MVB12A: variants seen among roughly 807,000 people sequenced by gnomAD.
MVB12A encodes CIN85/CD2AP family binding protein.
MVB12A carries 30 observed loss-of-function variants against 34.3 expected under a neutral mutation model. That is an observed-to-expected ratio of 0.88 (90% CI 0.65 to 1.19). MVB12A has a LOEUF of 1.19. Among genes scored for constraint, MVB12A ranks in the 50% most tolerant of loss-of-function variants. MVB12A has a pLI of 0.00. For synonymous variants in MVB12A, 158 were observed against 158.9 expected (o/e 0.99, Z 0.04); for missense variants, 355 against 369.2 (o/e 0.96, Z 0.31).
chr19:17,417,891 C>A, upstream of MVB12A: 1 of 278,702 alleles, frequency 3.6e-6, no homozygotes, highest in South Asian at 3.3e-5. Flanking sequence ...GGTTTTTCTT[C>A]TTCTTCTTCC....
chr19:17,422,306 C>T (rs1336064786), intron 3 of MVB12A, 26 bp from the exon 4 acceptor site: 1 of 1,598,812 alleles, frequency 6.3e-7, no homozygotes, highest in South Asian at 1.1e-5. Flanking sequence ...GCTTCCCTCT[C>T]TCACTCCCCT....
chr19:17,409,797 G>T (rs991418880), intron 2 of MVB12A, among the ~76,000 whole-genome samples: 2 of 151,158 alleles, frequency 1.3e-5, no homozygotes, highest in African/African-American at 2.4e-5. Flanking sequence ...TGTCTCTCAG[G>T]CTGGGGTGCA....
rs761237198 is a variant in MVB12A, at chr19:17,424,021, C to T, written c.656C>T (p.Pro219Leu). 4 of 1,614,026 alleles carry T rather than the reference C, an allele frequency of 2.5e-6. No homozygotes were observed. Among genetic ancestry groups the T allele is most frequent in the Admixed American group, 3.3e-5 (2 of 59,984 alleles). ...TGTTTTTCAGCCATGGATGGGGTTC[C>T]CTTCACACTCCACCCACGATTTGAG... The part of the protein sequence containing the change: ...LYGISAMDGV[P>L]FTLHPRFEGK... Residue 219 changes from proline (P) to leucine (L), a missense_variant, in exon 7 of 9, where the codon CCC becomes CTC. Pro to Leu is a moderately conservative substitution (Grantham distance 98). Coordinates refer to ENST00000317040, the MANE Select transcript of MVB12A (RefSeq NM_138401.4).
chr19:17,424,550 C>G, intron 7 of MVB12A, 71 bp from the exon 8 acceptor site: 1 of 1,497,302 alleles, frequency 6.7e-7, no homozygotes, highest in Admixed American at 1.9e-5. Context: ...AGGGCAGGAC[C>G]CCTTGAAGAC....
chr19:17,422,051 G>A (rs899538327), intron 3 of MVB12A: 4 of 283,470 alleles, frequency 1.4e-5, no homozygotes, highest in Non-Finnish European at 2.6e-5. Flanking sequence ...TGAGGGCCAC[G>A]ATGGGCACCC....
At chr19:17,409,733 G>A (rs962978708) in intron 2 of MVB12A, among the ~76,000 whole-genome samples, 1 of 151,812 alleles carries the variant, frequency 6.6e-6, no homozygotes, top group Admixed American at 6.6e-5. Flanking sequence ...TTACAGGCTT[G>A]AGCCACCGCA....
Position 17,420,571 on chromosome 19 carries a change from A to G in MVB12A, c.223A>G (p.Ile75Val). The G allele has an allele frequency of 1.2e-6, 2 of 1,613,916 alleles. No homozygotes were observed. The highest frequency in any genetic ancestry group is 2.2e-5 in the South Asian group (2 of 91,072). ...PQENVVADIQ[I>V]VVDKSPLPLG... ...GGAGAACGTGGTGGCCGATATCCAG[A>G]TCGTGGTGGACAAGAGCCCCCTGCC... is the stretch of plus-strand genomic sequence containing the variant. Residue 75 changes from isoleucine (I) to valine (V), a missense_variant, in exon 3 of 9, where the codon ATC becomes GTC. Ile to Val is a conservative substitution (Grantham distance 29, BLOSUM62 3). Transcript: ENST00000317040.
chr19:17,421,270 C>T (rs567818023), intron 3 of MVB12A: 9 of 349,072 alleles, frequency 2.6e-5, no homozygotes, highest in South Asian at 1.3e-4. Context: ...CCACAACCTC[C>T]GACTCCCGGG....
intron 4 of MVB12A, 87 bp from the exon 5 acceptor site, chr19:17,423,411 C>T: frequency 6.7e-7 from 1 of 1,489,536 alleles, no homozygotes; most frequent in Non-Finnish European, 9.0e-7. Context: ...CACCTGCATG[C>T]CCGGGTCCCC....
chr19:17,423,978 A>T, intron 6 of MVB12A, 28 bp from the exon 7 acceptor site: 1 of 1,612,484 alleles, frequency 6.2e-7, no homozygotes. Context: ...CCTACACCTC[A>T]CCTCCTCCCC....
intron 2 of MVB12A, among the ~76,000 whole-genome samples, chr19:17,411,347 A>G (rs748152294): frequency 3.3e-5 from 5 of 150,566 alleles, no homozygotes; most frequent in Non-Finnish European, 7.4e-5. Context: ...CCTACACCCA[A>G]TTTCCCCTCT....
At chr19:17,416,337 C>A (rs373705239), upstream of MVB12A, among the ~76,000 whole-genome samples, 176 of 151,074 alleles carry the variant, frequency 1.2e-3, no homozygotes, top group African/African-American at 4.2e-3. Context: ...GTCTCGAACT[C>A]CTGACCTTGT....
intron 2 of MVB12A, among the ~76,000 whole-genome samples, chr19:17,410,368 A>C (rs961981173): frequency 2.7e-5 from 4 of 150,118 alleles, no homozygotes; most frequent in Non-Finnish European, 4.4e-5. Flanking sequence ...TGGGGGTCTC[A>C]GTATGTTTCC....
intron 2 of MVB12A, among the ~76,000 whole-genome samples, chr19:17,409,757 TG>T (rs1332022109): frequency 2.0e-5 from 3 of 151,922 alleles, no homozygotes; most frequent in African/African-American, 7.3e-5. Flanking sequence ...AGCCTTTTTT[TG>T]TTTTTTTCTT....
intron 2 of MVB12A, chr19:17,406,329 A>G (rs2074728242): frequency 6.6e-6 from 1 of 152,134 alleles, no homozygotes; most frequent in Non-Finnish European, 1.5e-5. Flanking sequence ...TTCATCTGCA[A>G]AGGGGAATAA....
rs1725106021 is a variant in MVB12A at position 17,423,549 on chromosome 19, A to G, written c.465A>G (p.Pro155=). ...IWCKKAKAPR[P]VPKPRGLSRD... is the part of the protein sequence containing the mutation. The stretch of plus-strand genomic sequence containing the variant: ...GCAAGAAGGCCAAGGCCCCGAGGCC[A>G]GTGCCCAAGCCCCGAGGTCTCAGCC... Residue 155 remains proline (P), a synonymous_variant, in exon 5 of 9, where the codon CCA becomes CCG. Transcript: ENST00000317040. 3 of 1,613,870 alleles carry G rather than the reference A, an allele frequency of 1.9e-6. No homozygotes were observed. Among genetic ancestry groups the G allele is most frequent in the Non-Finnish European group, 2.5e-6 (3 of 1,180,026 alleles).
chr19:17,422,521 C>A (rs2074844965), intron 4 of MVB12A, 63 bp downstream of exon 4: 6 of 1,523,584 alleles, frequency 3.9e-6, no homozygotes, highest in Non-Finnish European at 5.3e-6. Flanking sequence ...TCTCACCAAT[C>A]TGACCCTCAA....
rs1568387298 is a variant in MVB12A at position 17,410,496 on chromosome 19, T to TTATATATGTGTATATATATA, written c.-5+4200_-5+4201insTATATATGTGTATATATATA. Among the ~76,000 whole-genome samples, 193 of 31,434 alleles carry TTATATATGTGTATATATATA rather than the reference T, an allele frequency of 6.1e-3. 6 individuals are homozygous for TTATATATGTGTATATATATA. Among genetic ancestry groups the TTATATATGTGTATATATATA allele is most frequent in the Admixed American group, 8.3e-3 (19 of 2,290 alleles). The allele number at this position is 31,434 out of a possible 152,430, so 20.6% of individuals were successfully genotyped here. A position where few individuals can be genotyped will look rare whatever the true frequency, so the allele number is the denominator to read the frequency against. ...CGCTAGCATTCTTTTGGTTTTAGCT[T>TTATATATGTGTATATATATA]CATATATATATATATATATATATAT... On this transcript the variant is annotated intron_variant, in intron 2 of 6. Transcript: ENST00000528604.
At chr19:17,424,783 C>T in intron 8 of MVB12A, 106 bp downstream of exon 8, 2 of 1,431,754 alleles carry the variant, frequency 1.4e-6, no homozygotes, top group Non-Finnish European at 1.9e-6. Context: ...TTTTCCCCAT[C>T]CCCGCTTTGC....
Sources: gnomAD v4.1 joint callset for allele counts (sites outside exome capture counted in the v4.1 genomes callset) on GRCh38, gnomAD v4.1.1 for gene constraint, MANE v1.5 for transcripts, NCBI Gene and HGNC (gene_info 2026-07-23, HGNC 2026-07-21) for gene names.